Variants in AMPH observed in about 807,000 individuals in gnomAD.
The protein encoded by AMPH is amphiphysin, also known as amphiphysin (Stiff-Mann syndrome with breast cancer 128kD autoantigen).
A neutral mutation model predicts 99.1 loss-of-function variants in AMPH; 49 were observed. That is an observed-to-expected ratio of 0.49 (90% CI 0.39 to 0.63). The LOEUF is 0.63. AMPH is among the 20% of genes least tolerant of loss of function. The probability of loss-of-function intolerance (pLI) is 0.00; values close to 1 mark genes in which losing one functional copy is unlikely to be tolerated. For missense variants in AMPH, 759 were observed against 863.4 expected (o/e 0.88, Z 1.52); for synonymous variants, 314 against 317.3 (o/e 0.99, Z 0.11).
In AMPH at chr7:38,561,975, T is replaced by TGTTG. The variant is rs369683744; in HGVS notation, c.70-26965_70-26964insCAAC. 7.7e-4 allele frequency among the ~76,000 whole-genome samples: 115 copies of TGTTG among 149,814 alleles called. No homozygotes were observed. The East Asian group carries it at 0.01, about 13-fold the overall frequency. Reference sequence around the variant, plus strand: ...AACCACCCAGTCTATATGTTTTTTTTTTTTTGTTATGGCAGCCGAGGCTGA... The same window carrying TGTTG: ...AACCACCCAGTCTATATGTTTTTTTTGTTGTTTTTGTTATGGCAGCCGAGGCTGA... On this transcript the variant is annotated intron_variant, in intron 1 of 20. Transcript: ENST00000356264.
chr7:38,481,248 G>A (rs535209382), intron 5 of AMPH, among the ~76,000 whole-genome samples: 1 of 152,048 alleles, frequency 6.6e-6, no homozygotes, highest in East Asian at 1.9e-4. Context: ...ACACACATTA[G>A]CTTTTTTTAA....
intron 1 of AMPH, among the ~76,000 whole-genome samples, chr7:38,590,542 T>A (rs1229218760): frequency 6.6e-6 from 1 of 152,196 alleles, no homozygotes; most frequent in African/African-American, 2.4e-5. Context: ...CCGGCTCGAA[T>A]GCCTGGGGTT....
chr7:38,600,321 A>C (rs1793203128), intron 1 of AMPH, among the ~76,000 whole-genome samples: 1 of 152,016 alleles, frequency 6.6e-6, no homozygotes, highest in Non-Finnish European at 1.5e-5. Context: ...TATTCCTTCC[A>C]TTCCATGCCT....
chr7:38,384,795 T>C lies in AMPH; in HGVS notation c.*23A>G. The C allele has an allele frequency of 6.3e-7, 1 of 1,591,278 alleles. No homozygotes were observed. Among genetic ancestry groups the C allele is most frequent in the Non-Finnish European group, 8.6e-7 (1 of 1,159,592 alleles). ...AGGTTTAAAAACCCCGTAACTGAGCTCCTTCTTGCAGTACTTGTTGCCCTA... is the reference window on the plus strand; with the variant it reads ...AGGTTTAAAAACCCCGTAACTGAGCCCCTTCTTGCAGTACTTGTTGCCCTA... On this transcript the variant is annotated 3_prime_UTR_variant, in exon 21 of 21. Coordinates refer to ENST00000356264, the MANE Select transcript of AMPH (RefSeq NM_001635.4).
Position 38,573,336 on chromosome 7 carries a change from A to C in AMPH, c.70-38325T>G, listed in dbSNP as rs75311534. Among the ~76,000 whole-genome samples, 687 of 150,740 alleles carry C rather than the reference A, an allele frequency of 4.6e-3. 24 individuals carry two copies. In the East Asian group the frequency reaches 0.087, roughly 19 times the overall value. On this transcript the variant is annotated intron_variant, in intron 1 of 20. Transcript: ENST00000356264. ...CTTTTGTATTATTGTAAACTGACTT[A>C]AACAGTTTATGGATAAAGCAGGAAA...
rs553472087 is a variant in AMPH at position 38,565,037 on chromosome 7, T to C, written c.70-30026A>G. 2.9e-3 allele frequency among the ~76,000 whole-genome samples: 433 copies of C among 149,120 alleles called. 4 individuals are homozygous for C. The highest frequency in any genetic ancestry group is 0.01 in the African/African-American group (406 of 40,344). On this transcript the variant is annotated intron_variant, in intron 1 of 20. Coordinates refer to ENST00000356264, the MANE Select transcript of AMPH (RefSeq NM_001635.4). ...TACTCGGGAGGCTGAGGCAGGAGAA[T>C]GGCGTGAACCCGGGAGGCAGAGTTT...
intron 1 of AMPH, among the ~76,000 whole-genome samples, chr7:38,619,196 A>T (rs1372430290): frequency 6.6e-6 from 1 of 151,516 alleles, no homozygotes; most frequent in African/African-American, 2.4e-5. Flanking sequence ...TCTCTTAAAT[A>T]AAAAAAAAGA....
chr7:38,447,807 C>G (rs958578198), intron 11 of AMPH, among the ~76,000 whole-genome samples: 3 of 151,802 alleles, frequency 2.0e-5, no homozygotes, highest in Non-Finnish European at 4.4e-5. Context: ...TTAATCATAA[C>G]ACAGTATTAT....
chr7:38,421,318 A>G (rs1016259656), intron 16 of AMPH, among the ~76,000 whole-genome samples: 5 of 152,246 alleles, frequency 3.3e-5, no homozygotes, highest in African/African-American at 1.2e-4. Flanking sequence ...TAAACCATTC[A>G]TGATTGATAA....
At position 38,436,485 on chromosome 7, in the gene AMPH, TTGAG is replaced by T. The variant is rs557895628; in HGVS notation, c.1018-101_1018-98del. The T allele has an allele frequency of 6.7e-4, 602 of 897,408 alleles. 1 individual carries two copies. The African/African-American group carries it at 8.3e-3, about 12-fold the overall frequency. The allele number at this position is 897,408 out of a possible 1,614,324, so 55.6% of individuals were successfully genotyped here. On this transcript the variant is annotated intron_variant, in intron 11 of 20. Coordinates refer to ENST00000356264, the MANE Select transcript of AMPH (RefSeq NM_001635.4). The stretch of plus-strand genomic sequence containing the variant: ...ATGTATACTCTCTCTAATATTATTA[TTGAG>T]TATCTCCAAAACACACTTTTATAAG...
At chr7:38,560,475 C>G (rs761300679) in intron 1 of AMPH, among the ~76,000 whole-genome samples, 25 of 152,178 alleles carry the variant, frequency 1.6e-4, no homozygotes, top group Non-Finnish European at 3.2e-4. Flanking sequence ...TTTTCAGCCA[C>G]TAAGTTTTGG....
intron 11 of AMPH, among the ~76,000 whole-genome samples, chr7:38,455,407 G>A (rs74301933): frequency 4.6e-5 from 7 of 152,198 alleles, no homozygotes; most frequent in South Asian, 2.1e-4. Context: ...CAAGATGGCC[G>A]ACTAAAGAAA....
At chr7:38,440,877 T>C (rs1376392788) in intron 11 of AMPH, among the ~76,000 whole-genome samples, 1 of 151,684 alleles carries the variant, frequency 6.6e-6, no homozygotes, top group African/African-American at 2.4e-5. Flanking sequence ...AGAGAGACAA[T>C]GGAAAACAAG....
chr7:38,415,789 C>T (rs1785363865), intron 17 of AMPH, among the ~76,000 whole-genome samples: 1 of 151,884 alleles, frequency 6.6e-6, no homozygotes. Flanking sequence ...TGAATTTTTT[C>T]TCTGTGGAAA....
intron 1 of AMPH, among the ~76,000 whole-genome samples, chr7:38,587,949 T>TGTGTGTGTGTGTGTGCGC (rs931620644): frequency 1.4e-5 from 2 of 146,086 alleles, no homozygotes; most frequent in African/African-American, 5.1e-5. Context: ...TGTGTGTGTG[T>TGTGTGTGTGTGTGTGCGC]GCGCGTGTGT....
At chr7:38,457,410 A>T (rs988216997) in intron 11 of AMPH, among the ~76,000 whole-genome samples, 1 of 152,248 alleles carries the variant, frequency 6.6e-6, no homozygotes, top group African/African-American at 2.4e-5. Context: ...TTGTTGACTG[A>T]AATACAAAAC....
chr7:38,577,478 T>A (rs1266050628), intron 1 of AMPH, among the ~76,000 whole-genome samples: 1 of 152,212 alleles, frequency 6.6e-6, no homozygotes, highest in African/African-American at 2.4e-5. Context: ...CGAGTTTGAT[T>A]AGCGTAAGTT....
chr7:38,442,484 T>C (rs1302788510), intron 11 of AMPH, among the ~76,000 whole-genome samples: 1 of 152,196 alleles, frequency 6.6e-6, no homozygotes, highest in Non-Finnish European at 1.5e-5. Flanking sequence ...AAGTATGGTC[T>C]CTGACTACAC....
chr7:38,592,094 G>A (rs59739283), intron 1 of AMPH, among the ~76,000 whole-genome samples: 11,860 of 152,272 alleles, frequency 0.078, 599 homozygotes, highest in East Asian at 0.25. Context: ...ACAAAGGGAT[G>A]GGGCAAAACA....
Sources: gnomAD v4.1 joint callset for allele counts (sites outside exome capture counted in the v4.1 genomes callset) on GRCh38, gnomAD v4.1.1 for gene constraint, MANE v1.5 for transcripts, NCBI Gene and HGNC (gene_info 2026-07-23, HGNC 2026-07-21) for gene names.